The following CABIN1 variants were observed in gnomAD, a reference collection of about 807,000 sequenced individuals.
CABIN1 encodes the protein calcineurin binding protein 1.
CABIN1 carries 133 observed loss-of-function variants against 227.7 expected under a neutral mutation model. The ratio of observed to expected loss-of-function variants is 0.58; its 90% confidence interval spans 0.51 to 0.67. The LOEUF is 0.67. CABIN1 is among the 30% of genes least tolerant of loss of function. CABIN1 has a pLI of 0.00. For missense variants in CABIN1, 2,408 were observed against 2,852.5 expected (o/e 0.84, Z 3.55); for synonymous variants, 1,086 against 1,155.1 (o/e 0.94, Z 1.21).
intron 22 of CABIN1, among the ~76,000 whole-genome samples, chr22:24,085,839 G>C (rs989290234): frequency 6.6e-6 from 1 of 152,168 alleles, no homozygotes; most frequent in Non-Finnish European, 1.5e-5. Context: ...TCAAAAGGAG[G>C]CTACCCTCTG....
chr22:24,153,102 G>A (rs547027771), intron 29 of CABIN1, among the ~76,000 whole-genome samples: 1 of 152,324 alleles, frequency 6.6e-6, no homozygotes, highest in South Asian at 2.1e-4. Context: ...CCTTGGATTT[G>A]CAGGACCAGA....
intron 29 of CABIN1, among the ~76,000 whole-genome samples, chr22:24,134,622 C>A (rs1235282505): frequency 6.6e-6 from 1 of 152,158 alleles, no homozygotes; most frequent in African/African-American, 2.4e-5. Context: ...GTCACTGCCC[C>A]CTCCTGTGGG....
intron 1 of CABIN1, among the ~76,000 whole-genome samples, chr22:24,034,856 TA>T (rs2036753321): frequency 6.6e-6 from 1 of 152,246 alleles, no homozygotes; most frequent in Non-Finnish European, 1.5e-5. Context: ...TTGTTCTCCC[TA>T]AAACACCCAT....
chr22:24,167,447 C>CTGT (rs538687518), intron 32 of CABIN1, 134 bp downstream of exon 32: 78 of 742,526 alleles, frequency 1.1e-4, no homozygotes, highest in Non-Finnish European at 1.7e-4. Flanking sequence ...ACCATCCCTG[C>CTGT]TGTTCACTTT....
intron 24 of CABIN1, among the ~76,000 whole-genome samples, chr22:24,094,324 G>T (rs2041742586): frequency 6.6e-6 from 1 of 152,174 alleles, no homozygotes; most frequent in African/African-American, 2.4e-5. Context: ...GAGCAGGCAG[G>T]ATGGTAGCCC....
At chr22:24,175,816 G>A (rs556533412) in intron 34 of CABIN1, 2 of 524,014 alleles carry the variant, frequency 3.8e-6, no homozygotes, top group South Asian at 4.1e-5. Flanking sequence ...GATCTTAAGA[G>A]AGGCTGGGCC....
At chr22:24,178,002 G>C (rs1451028829) in intron 36 of CABIN1, 51 bp from the exon 37 acceptor site, 1 of 1,610,252 alleles carries the variant, frequency 6.2e-7, no homozygotes, top group South Asian at 1.1e-5. Flanking sequence ...GAGGGGCTTG[G>C]GGCAGAGCCC....
chr22:24,012,243 T>A (rs2034871816), intron 1 of CABIN1, among the ~76,000 whole-genome samples: 1 of 152,222 alleles, frequency 6.6e-6, no homozygotes, highest in East Asian at 1.9e-4. Flanking sequence ...ACAGACTAGC[T>A]GCGTCGCAAT....
At position 24,084,840 on chromosome 22, in the gene CABIN1, T is replaced by C. The variant is rs973143193; in HGVS notation, c.3117+55T>C. On this transcript the variant is annotated intron_variant, in intron 21 of 36. Transcript: ENST00000263119. The stretch of plus-strand genomic sequence containing the variant: ...ACAGGGCTGGGTCACACTCTTCCGC[T>C]CTGCCACTGCTGTATATGCTCCTTT... 70 of 1,583,492 alleles carry C rather than the reference T, an allele frequency of 4.4e-5. No homozygotes were observed. The African/African-American group carries it at 6.9e-4, about 16-fold the overall frequency.
In CABIN1 at chr22:24,087,504, A is replaced by G. The variant is rs779713401; in HGVS notation, c.3316A>G (p.Lys1106Glu). ...GGCCCGGGCCAGCCGCATTCAGGAC[A>G]AGCTGAACTCCAATGAGCTGAAGAG... Reference protein sequence around the residue: ...ALARASRIQDKLNSNELKSDG... With the variant: ...ALARASRIQDELNSNELKSDG... Residue 1106 changes from lysine to glutamate, a missense_variant, in exon 23 of 37, where the codon AAG (lysine) becomes GAG (glutamate). Lys to Glu is a moderately conservative substitution (Grantham distance 56). This residue lies in a region of CABIN1 where 649 missense variants were observed against 910.3 expected (regional missense o/e 0.71). Coordinates refer to ENST00000263119, the MANE Select transcript of CABIN1 (RefSeq NM_012295.4). 6.2e-7 allele frequency: 1 copy of G among 1,614,194 alleles called. No homozygotes were observed. Among genetic ancestry groups the G allele is most frequent in the Admixed American group, 1.7e-5 (1 of 60,032 alleles).
chr22:24,056,891 G>C (rs1215196403), intron 10 of CABIN1, among the ~76,000 whole-genome samples: 1 of 152,156 alleles, frequency 6.6e-6, no homozygotes, highest in Admixed American at 6.5e-5. Flanking sequence ...CCAGAGCTGG[G>C]AGGGACTTGG....
rs533311243 is a variant in CABIN1 at position 24,113,455 on chromosome 22, T to A, written c.4118-111T>A. 9.8e-6 allele frequency: 10 copies of A among 1,016,142 alleles called. No homozygotes were observed. The South Asian group carries it at 1.0e-4, about 10-fold the overall frequency. 62.9% of individuals were successfully genotyped at this position (1,016,142 alleles called of 1,614,324 possible). On this transcript the variant is annotated intron_variant, in intron 26 of 36. Coordinates refer to ENST00000263119, the MANE Select transcript of CABIN1 (RefSeq NM_012295.4). ...GAATGGCTGTGTTCAGGCCATCTCC[T>A]GCAAAGCAGTCCCCAGGCCACCGGC...
chr22:24,176,878 A>T (rs966908395), intron 35 of CABIN1, among the ~76,000 whole-genome samples: 5 of 152,210 alleles, frequency 3.3e-5, no homozygotes, highest in Admixed American at 2.0e-4. Context: ...GGGGCCAGGC[A>T]TGGGCTCTGT....
intron 1 of CABIN1, among the ~76,000 whole-genome samples, chr22:24,017,641 T>A (rs1052476551): frequency 2.0e-5 from 3 of 152,264 alleles, no homozygotes; most frequent in African/African-American, 4.8e-5. Flanking sequence ...TCATCCACGT[T>A]GTAGCATATT....
intron 1 of CABIN1, among the ~76,000 whole-genome samples, chr22:24,013,833 A>G (rs1224258616): frequency 6.6e-6 from 1 of 152,016 alleles, no homozygotes; most frequent in African/African-American, 2.4e-5. Flanking sequence ...GTGATCAGTT[A>G]TTTTGTCTAA....
chr22:24,175,698 G>T, intron 34 of CABIN1: 1 of 315,040 alleles, frequency 3.2e-6, no homozygotes, highest in Non-Finnish European at 6.2e-6. Context: ...TTTGGTCTTA[G>T]TTGGGTTGTT....
At chr22:24,103,105 C>G (rs1296916706) in intron 26 of CABIN1, 3 of 152,210 alleles carry the variant, frequency 2.0e-5, no homozygotes, top group Non-Finnish European at 2.9e-5. Context: ...ATGCTCAGCT[C>G]TCAGTCCGGC....
chr22:24,118,090 G>A (rs1469598049), intron 27 of CABIN1, among the ~76,000 whole-genome samples: 1 of 152,152 alleles, frequency 6.6e-6, no homozygotes, highest in Non-Finnish European at 1.5e-5. Context: ...GCCCATGGTA[G>A]GCTCTGGGCC....
chr22:24,170,734 C>T (rs889455347), intron 33 of CABIN1, among the ~76,000 whole-genome samples: 3 of 149,352 alleles, frequency 2.0e-5, no homozygotes, highest in Admixed American at 6.7e-5. Context: ...GAGACAGGGT[C>T]ATCGGTGGTA....
Sources: allele counts gnomAD v4.1 joint callset (sites outside exome capture counted in the v4.1 genomes callset), GRCh38; gene constraint gnomAD v4.1.1; regional missense constraint gnomAD v4.1.1; transcripts MANE v1.5; gene names NCBI Gene and HGNC (gene_info 2026-07-23, HGNC 2026-07-21).